Variants in MIER1 observed in about 807,000 individuals in gnomAD.
MIER1 encodes the protein mesoderm induction early response protein 1.
In MIER1, 40 loss-of-function variants were observed where a neutral mutation model predicts 75.7. The ratio of observed to expected loss-of-function variants is 0.53; its 90% CI spans 0.41 to 0.69. The LOEUF (loss-of-function observed/expected upper bound fraction) is 0.69. MIER1 is among the 30% of genes least tolerant of loss of function. The pLI, the probability that MIER1 is intolerant of heterozygous loss-of-function variation, is 0.00. For missense variants in MIER1, 574 were observed against 680.2 expected, an observed-to-expected ratio of 0.84 and a Z score of 1.74; for synonymous variants, 213 against 223.4, an observed-to-expected ratio of 0.95 and a Z score of 0.42.
At chr1:66,979,744 CTT>C (rs1444882920) in intron 12 of MIER1, among the ~76,000 whole-genome samples, 19 of 150,022 alleles carry the variant, frequency 1.3e-4, no homozygotes, top group South Asian at 1.3e-3. Flanking sequence ...GATATCAACT[CTT>C]GTTTCCTTTG....
At chr1:66,945,260 G>GTT (rs1657227306) in intron 3 of MIER1, among the ~76,000 whole-genome samples, 1 of 28,680 alleles carries the variant, frequency 3.5e-5, no homozygotes, top group South Asian at 2.1e-3. Flanking sequence ...TAAATAATCT[G>GTT]GTGTGTGTAT....
intron 8 of MIER1, among the ~76,000 whole-genome samples, chr1:66,967,453 G>C (rs535635654): frequency 4.7e-4 from 72 of 152,258 alleles, no homozygotes; most frequent in Admixed American, 2.4e-3. Flanking sequence ...TGTTCTTTCT[G>C]CTTAGGATAG....
Position 66,984,856 on chromosome 1 carries a change from G to A in MIER1, c.1654G>A (p.Val552Ile), listed in dbSNP as rs926697169. 9 of 1,604,632 alleles carry A rather than the reference G, an allele frequency of 5.6e-6. No individual in the cohort carries two copies. The African/African-American group carries it at 1.1e-4, about 19-fold the overall frequency. ...PGSSEFFQEA[V>I]SHGKFEELEN... The stretch of plus-strand genomic sequence containing the variant: ...TTCTTCTGAATTTTTCCAAGAAGCA[G>A]TCTCACATGGGAAATTTGAAGAACT... Residue 552 changes from valine (V) to isoleucine (I), a missense_variant, in exon 14 of 14, where the codon GTC becomes ATC. Val to Ile is a conservative substitution (Grantham distance 29). This residue lies in a region of MIER1 where 164 missense variants were observed against 154.3 expected (regional missense o/e 1.06). Transcript: ENST00000401041.
intron 4 of MIER1, among the ~76,000 whole-genome samples, chr1:66,955,364 T>TTTA (rs61423526): frequency 1.4e-4 from 20 of 145,302 alleles, no homozygotes; most frequent in African/African-American, 5.2e-4. Context: ...TTTTTTTTTT[T>TTTA]AATTGCAGGT....
chr1:66,965,676 A>G (rs1444783530), intron 8 of MIER1, among the ~76,000 whole-genome samples: 1 of 152,034 alleles, frequency 6.6e-6, no homozygotes, highest in Non-Finnish European at 1.5e-5. Context: ...ATCCATTTAT[A>G]CTCTTATAGT....
chr1:66,948,097 C>T, intron 4 of MIER1: 3 of 928,572 alleles, frequency 3.2e-6, no homozygotes, highest in Non-Finnish European at 3.9e-6. Context: ...TTGTCTGTAC[C>T]TCCACTGGTT....
intron 2 of MIER1, among the ~76,000 whole-genome samples, chr1:66,936,858 A>G (rs1654978705): frequency 6.6e-6 from 1 of 151,202 alleles, no homozygotes; most frequent in Admixed American, 6.6e-5. Context: ...AATTAGCCAG[A>G]CGTGGTGGTG....
At chr1:66,933,460 A>G (rs531038058) in intron 2 of MIER1, among the ~76,000 whole-genome samples, 2 of 152,308 alleles carry the variant, frequency 1.3e-5, no homozygotes, top group South Asian at 4.1e-4. Context: ...GTATTTTAGT[A>G]CTTTCAAAGA....
At chr1:66,931,178 C>G (rs1469773826) in intron 2 of MIER1, among the ~76,000 whole-genome samples, 1 of 152,088 alleles carries the variant, frequency 6.6e-6, no homozygotes, top group African/African-American at 2.4e-5. Context: ...AAACAAGTTC[C>G]TAAAGCCCCT....
At chr1:66,965,551 A>G (rs1662207845) in intron 8 of MIER1, among the ~76,000 whole-genome samples, 1 of 152,138 alleles carries the variant, frequency 6.6e-6, no homozygotes, top group African/African-American at 2.4e-5. Flanking sequence ...TAGTAGGTGT[A>G]TATAGTTCCG....
At chr1:66,944,121 T>C (rs761599004) in intron 3 of MIER1, among the ~76,000 whole-genome samples, 67 of 152,120 alleles carry the variant, frequency 4.4e-4, no homozygotes, top group Non-Finnish European at 5.0e-4. Context: ...AAAAAAATGA[T>C]TCTTTTGAAA....
At chr1:66,975,467 C>T (rs1664508045) in intron 11 of MIER1, among the ~76,000 whole-genome samples, 1 of 151,712 alleles carries the variant, frequency 6.6e-6, no homozygotes, top group Non-Finnish European at 1.5e-5. Flanking sequence ...GGCAAGGCTG[C>T]AGTTAGCGGT....
intron 3 of MIER1, among the ~76,000 whole-genome samples, chr1:66,945,267 G>GTGTATATATA (rs1244341605): frequency 7.0e-5 from 10 of 141,916 alleles, no homozygotes; most frequent in Non-Finnish European, 1.4e-4. Context: ...TCTGGTGTGT[G>GTGTATATATA]TATATATATA....
intron 3 of MIER1, among the ~76,000 whole-genome samples, chr1:66,941,420 A>C (rs942690375): frequency 5.3e-5 from 8 of 151,886 alleles, no homozygotes; most frequent in African/African-American, 1.7e-4. Context: ...ACATGGAATT[A>C]TTTCCGATTT....
At chr1:66,960,488 C>T (rs940855034) in intron 7 of MIER1, among the ~76,000 whole-genome samples, 4 of 152,114 alleles carry the variant, frequency 2.6e-5, no homozygotes, top group Non-Finnish European at 5.9e-5. Context: ...TGTAAAAGAA[C>T]TGAGCTCTTA....
chr1:66,948,785 A>G (rs1282721715), intron 4 of MIER1, among the ~76,000 whole-genome samples: 4 of 152,302 alleles, frequency 2.6e-5, no homozygotes, highest in South Asian at 4.2e-4. Context: ...TGTAGGCCCA[A>G]CACTTCATGA....
chr1:66,953,400 T>C (rs1659405156), intron 4 of MIER1, among the ~76,000 whole-genome samples: 1 of 152,188 alleles, frequency 6.6e-6, no homozygotes, highest in African/African-American at 2.4e-5. Flanking sequence ...ATTATAGTTG[T>C]AGCCCGGAGT....
At chr1:66,952,892 A>G (rs1003855305) in intron 4 of MIER1, among the ~76,000 whole-genome samples, 2 of 152,122 alleles carry the variant, frequency 1.3e-5, no homozygotes, top group East Asian at 3.9e-4. Flanking sequence ...TGATCTGCCT[A>G]CCTTGGCCTC....
At chr1:66,956,279 G>A (rs1660114825) in intron 4 of MIER1, among the ~76,000 whole-genome samples, 1 of 152,070 alleles carries the variant, frequency 6.6e-6, no homozygotes. Flanking sequence ...AAATTAGCCA[G>A]GCATGGTGGT....
Sources: gnomAD v4.1 joint callset for allele counts (sites outside exome capture counted in the v4.1 genomes callset) on GRCh38, gnomAD v4.1.1 for gene constraint, gnomAD v4.1.1 regional missense constraint, MANE v1.5 for transcripts, NCBI Gene and HGNC (gene_info 2026-07-23, HGNC 2026-07-21) for gene names.